ADAMTS19: variants seen among roughly 807,000 people sequenced by gnomAD.
The protein encoded by ADAMTS19 is A disintegrin and metalloproteinase with thrombospondin motifs 19.
A neutral mutation model predicts 153.3 loss-of-function variants in ADAMTS19; 93 were observed. That is an observed-to-expected ratio of 0.61 (90% CI 0.51 to 0.72). ADAMTS19 has a LOEUF of 0.72. Among genes scored for constraint, ADAMTS19 ranks in the 30% least tolerant of loss-of-function variants. The probability of loss-of-function intolerance (pLI) is 0.00; values close to 1 mark genes in which losing one functional copy is unlikely to be tolerated. For synonymous variants in ADAMTS19, 600 were observed against 556.6 expected, an observed-to-expected ratio of 1.08 and a Z score of -1.10; for missense variants, 1,482 against 1,552.1, an observed-to-expected ratio of 0.95 and a Z score of 0.76.
intron 2 of ADAMTS19, among the ~76,000 whole-genome samples, chr5:129,491,524 A>G (rs1423722620): frequency 2.0e-5 from 3 of 152,156 alleles, no homozygotes; most frequent in South Asian, 2.1e-4. Context: ...TGAATTTCCT[A>G]TCATTTAATT....
Position 129,737,097 on chromosome 5 carries a change from A to G in ADAMTS19, c.3521A>G (p.Gln1174Arg), listed in dbSNP as rs1404283804. 1.1e-5 allele frequency: 18 copies of G among 1,603,042 alleles called. No individual in the cohort carries two copies. Among genetic ancestry groups the G allele is most frequent in the Admixed American group, 1.7e-5 (1 of 59,310 alleles). ...AALTFKCLGD[Q>R]WPVYCRVIRE... is the part of the protein sequence containing the mutation. ...CTGACTTTCAAGTGCCTGGGAGATC[A>G]GTGGCCAGTGTACTGCCGAGTGATA... Residue 1174 changes from glutamine (Q) to arginine (R), a missense_variant, in exon 23 of 23, where the codon CAG (glutamine) becomes CGG (arginine). Transcript: ENST00000274487.
chr5:129,666,592 A>C (rs776383075), intron 16 of ADAMTS19, among the ~76,000 whole-genome samples: 1 of 152,188 alleles, frequency 6.6e-6, no homozygotes, highest in African/African-American at 2.4e-5. Context: ...GAAGTCTAGG[A>C]CTAGAAAAAT....
At chr5:129,683,030 T>A (rs989655600) in intron 17 of ADAMTS19, among the ~76,000 whole-genome samples, 9 of 152,034 alleles carry the variant, frequency 5.9e-5, no homozygotes, top group Admixed American at 1.3e-4. Flanking sequence ...CTAAATAAAG[T>A]TCTTCAATAA....
intron 3 of ADAMTS19, among the ~76,000 whole-genome samples, chr5:129,510,962 A>C (rs142024324): frequency 1.6e-3 from 241 of 151,478 alleles, no homozygotes; most frequent in African/African-American, 5.6e-3. Context: ...TCATCAGCTA[A>C]ATGATTTACT....
intron 8 of ADAMTS19, among the ~76,000 whole-genome samples, chr5:129,620,117 G>A (rs1315878304): frequency 2.0e-5 from 3 of 151,824 alleles, no homozygotes; most frequent in Non-Finnish European, 4.4e-5. Flanking sequence ...AAGAAGGCCA[G>A]GATAATTTGT....
At chr5:129,616,891 TGA>T in intron 8 of ADAMTS19, among the ~76,000 whole-genome samples, 1 of 151,968 alleles carries the variant, frequency 6.6e-6, no homozygotes, top group East Asian at 1.9e-4. Flanking sequence ...TCTCCAAAAG[TGA>T]GAGTTTTGAT....
intron 8 of ADAMTS19, among the ~76,000 whole-genome samples, chr5:129,599,862 G>A (rs1750563413): frequency 6.6e-6 from 1 of 152,110 alleles, no homozygotes; most frequent in Non-Finnish European, 1.5e-5. Context: ...TGATGGACTA[G>A]GACCAGAATG....
intron 16 of ADAMTS19, among the ~76,000 whole-genome samples, chr5:129,676,295 C>G (rs30651): frequency 0.52 from 79,616 of 151,938 alleles, 23,503 homozygotes; most frequent in Non-Finnish European, 0.66. Context: ...ATCAGCTTAA[C>G]TTCTTGAGGC....
chr5:129,737,329 A>G lies in ADAMTS19; in HGVS notation c.*111A>G. Reference sequence around the variant, plus strand: ...TATCAGATTACATATAATTTAATCAAATTAATTTATTTTTTTGCCTGCCAA... The same window carrying G: ...TATCAGATTACATATAATTTAATCAGATTAATTTATTTTTTTGCCTGCCAA... On this transcript the variant is annotated 3_prime_UTR_variant, in exon 23 of 23. Transcript: ENST00000274487. 1 of 1,159,228 alleles carries G rather than the reference A, an allele frequency of 8.6e-7. No homozygotes were observed. Among genetic ancestry groups the G allele is most frequent in the Non-Finnish European group, 1.1e-6 (1 of 891,904 alleles). 71.8% of individuals were successfully genotyped at this position (1,159,228 alleles called of 1,614,324 possible). A position where few individuals can be genotyped will look rare whatever the true frequency, so the allele number is the denominator to read the frequency against.
At chr5:129,474,254 G>A (rs1056330194) in intron 2 of ADAMTS19, among the ~76,000 whole-genome samples, 1 of 151,874 alleles carries the variant, frequency 6.6e-6, no homozygotes, top group Non-Finnish European at 1.5e-5. Context: ...TTTCTTCATG[G>A]ATTATTTCCA....
intron 2 of ADAMTS19, among the ~76,000 whole-genome samples, chr5:129,469,733 A>G (rs1214746309): frequency 1.3e-5 from 2 of 152,128 alleles, no homozygotes; most frequent in Non-Finnish European, 2.9e-5. Context: ...TGAAGGAACC[A>G]TTTTCTTTGT....
At chr5:129,530,106 T>A (rs2126771894) in intron 6 of ADAMTS19, among the ~76,000 whole-genome samples, 1 of 152,210 alleles carries the variant, frequency 6.6e-6, no homozygotes, top group Non-Finnish European at 1.5e-5. Flanking sequence ...CTGTAAGCAC[T>A]CTTCAGAGGA....
intron 7 of ADAMTS19, among the ~76,000 whole-genome samples, chr5:129,581,672 C>G (rs1749522317): frequency 6.6e-6 from 1 of 151,982 alleles, no homozygotes; most frequent in Non-Finnish European, 1.5e-5. Flanking sequence ...TCTTGCTTCT[C>G]TACTTCTTTT....
chr5:129,638,307 C>T (rs181523472), intron 10 of ADAMTS19, among the ~76,000 whole-genome samples: 1 of 152,160 alleles, frequency 6.6e-6, no homozygotes, highest in Non-Finnish European at 1.5e-5. Context: ...CTTGGTTTCA[C>T]TTTAGTAAAT....
At chr5:129,465,961 C>T (rs1749842396) in intron 2 of ADAMTS19, among the ~76,000 whole-genome samples, 1 of 152,214 alleles carries the variant, frequency 6.6e-6, no homozygotes, top group African/African-American at 2.4e-5. Flanking sequence ...ACATCTGTGA[C>T]TTGCAGGAGC....
intron 15 of ADAMTS19, among the ~76,000 whole-genome samples, chr5:129,661,657 A>G (rs1026208894): frequency 2.0e-5 from 3 of 152,136 alleles, no homozygotes; most frequent in Non-Finnish European, 4.4e-5. Context: ...TTTTTCCTTA[A>G]TACTTTATCA....
At chr5:129,655,724 T>C (rs1366139446) in intron 14 of ADAMTS19, among the ~76,000 whole-genome samples, 1 of 152,088 alleles carries the variant, frequency 6.6e-6, no homozygotes, top group Non-Finnish European at 1.5e-5. Context: ...CCAATAGAAG[T>C]GTATGTACTT....
intron 10 of ADAMTS19, among the ~76,000 whole-genome samples, chr5:129,636,396 G>A (rs952309742): frequency 5.3e-5 from 8 of 152,096 alleles, no homozygotes; most frequent in African/African-American, 1.9e-4. Flanking sequence ...TTTAAAATAG[G>A]TTCTTCCTTC....
chr5:129,643,367 C>CAAAGAAAAAAA (rs1752896830), intron 11 of ADAMTS19, among the ~76,000 whole-genome samples: 1 of 40,350 alleles, frequency 2.5e-5, no homozygotes, highest in Admixed American at 3.7e-4. Flanking sequence ...GTTTCAAAGA[C>CAAAGAAAAAAA]AAAAAAAAAA....
Sources: allele counts gnomAD v4.1 joint callset (sites outside exome capture counted in the v4.1 genomes callset), GRCh38; gene constraint gnomAD v4.1.1; transcripts MANE v1.5; gene names NCBI Gene and HGNC (gene_info 2026-07-23, HGNC 2026-07-21).